The following USP39 variants were observed in gnomAD, a reference collection of about 807,000 sequenced individuals.
The protein encoded by USP39 is ubiquitin carboxyl-terminal hydrolase 39.
In USP39, 38 loss-of-function variants were observed where a neutral mutation model predicts 66.4. That is an observed-to-expected ratio of 0.57 (90% CI 0.44 to 0.75). USP39 has a LOEUF of 0.75. Ranked by LOEUF, USP39 falls within the 30% of genes least tolerant of loss-of-function variation. The pLI is 0.00. For synonymous variants in USP39, 303 were observed against 274.6 expected (o/e 1.10, Z -1.02); for missense variants, 608 against 714.4 (o/e 0.85, Z 1.70).
At chr2:85,644,672 C>G (rs576732825) in intron 10 of USP39, among the ~76,000 whole-genome samples, 2 of 152,058 alleles carry the variant, frequency 1.3e-5, no homozygotes, top group East Asian at 1.9e-4. Flanking sequence ...GTCCTCCTAC[C>G]TTGACCTCTC....
Position 85,647,620 on chromosome 2 carries a change from C to T in USP39, c.1564-310C>T, listed in dbSNP as rs557423943. On this transcript the variant is annotated intron_variant, in intron 11 of 12. Coordinates refer to ENST00000323701, the MANE Select transcript of USP39 (RefSeq NM_006590.4). ...GCTGCAGTGAGCTGTGATTACACCA[C>T]TGTAGTCCAGCCTGGGTGACAGAGT... 2.5e-4 allele frequency among the ~76,000 whole-genome samples: 37 copies of T among 150,108 alleles called. 1 individual carries two copies. Among genetic ancestry groups the T allele is most frequent in the African/African-American group, 8.3e-4 (34 of 40,898 alleles).
intron 6 of USP39, among the ~76,000 whole-genome samples, chr2:85,633,980 G>A (rs1675570443): frequency 6.7e-6 from 1 of 149,470 alleles, no homozygotes; most frequent in African/African-American, 2.4e-5. Context: ...TGGGACTACA[G>A]GCGCCCGCCA....
upstream of USP39, chr2:85,608,701 CAAAAAAAAAAAAAA>C (rs5832651): frequency 6.1e-3 from 338 of 55,464 alleles, 5 homozygotes; most frequent in Middle Eastern, 0.037. Context: ...ACAAAATCCT[CAAAAAAAAAAAAAA>C]AAAAAAAAAA....
chr2:85,606,236 C>T (rs1422429438), intron 1 of USP39, among the ~76,000 whole-genome samples: 1 of 152,220 alleles, frequency 6.6e-6, no homozygotes, highest in Non-Finnish European at 1.5e-5. Context: ...TCTAAAGCAG[C>T]CTGCTGGGAT....
intron 8 of USP39, among the ~76,000 whole-genome samples, chr2:85,638,301 C>G (rs1553457888): frequency 6.6e-6 from 1 of 150,934 alleles, no homozygotes; most frequent in Non-Finnish European, 1.5e-5. Flanking sequence ...GGATTACAGA[C>G]ATGAGCCACC....
intron 12 of USP39, 148 bp downstream of exon 12, chr2:85,648,164 G>T: frequency 1.4e-6 from 1 of 707,870 alleles, no homozygotes; most frequent in South Asian, 1.9e-5. Flanking sequence ...TGAGTTGGGG[G>T]CAGAATGTAT....
chr2:85,611,209 TAAAATAAAAACATTTTAAAAAAAG>T, upstream of USP39: 1 of 1,216,178 alleles, frequency 8.2e-7, no homozygotes, highest in Non-Finnish European at 1.0e-6. Context: ...GTCTCAAAAA[TAAAATAAAAACATTTTAAAAAAAG>T]TAATAATGCT....
chr2:85,619,231 C>A lies in USP39; in HGVS notation c.280C>A (p.Arg94=). The change falls in exon 2 of 13, where the codon CGA becomes AGA. Residue 94 remains arginine (R), a synonymous_variant. Transcript: ENST00000323701. The part of the protein sequence containing the change: ...PEREVRAKNG[R]VDSEDRRSRH... ...GATTTTCCTTTCAGCAAAGAATGGCCGAGTGGATTCTGAGGACCGGAGGAG... is the reference window on the plus strand; with the variant it reads ...GATTTTCCTTTCAGCAAAGAATGGCAGAGTGGATTCTGAGGACCGGAGGAG... The A allele has an allele frequency of 2.5e-6, 4 of 1,613,724 alleles. No homozygotes were observed. The highest frequency in any genetic ancestry group is 3.4e-6 in the Non-Finnish European group (4 of 1,179,950).
intron 1 of USP39, among the ~76,000 whole-genome samples, chr2:85,605,454 C>T (rs904449356): frequency 6.6e-6 from 1 of 152,152 alleles, no homozygotes; most frequent in African/African-American, 2.4e-5. Context: ...CAGAGAAGCC[C>T]TTTACTCAGA....
intron 9 of USP39, among the ~76,000 whole-genome samples, chr2:85,640,167 A>C (rs551405331): frequency 6.6e-6 from 1 of 151,738 alleles, no homozygotes; most frequent in Non-Finnish European, 1.5e-5. Context: ...CCACTGCCCA[A>C]CCACAGTGCC....
upstream of USP39, chr2:85,609,182 C>G (rs1673343941): frequency 2.8e-6 from 4 of 1,412,106 alleles, no homozygotes; most frequent in Admixed American, 2.3e-5. Flanking sequence ...TTTGCCAGCA[C>G]CTGTCATTTC....
intron 1 of USP39, among the ~76,000 whole-genome samples, chr2:85,616,678 CTTTTTTT>C (rs4019533): frequency 1.9e-5 from 2 of 106,932 alleles, no homozygotes; most frequent in East Asian, 2.7e-4. Context: ...TTTCTTTTTT[CTTTTTTT>C]TTTTTTTTTT....
At chr2:85,611,597 C>G (rs1039774463), upstream of USP39, 5 of 1,553,372 alleles carry the variant, frequency 3.2e-6, no homozygotes, top group Non-Finnish European at 3.5e-6. Flanking sequence ...AGTGGTTTTT[C>G]CCTATAGAGA....
intron 2 of USP39, among the ~76,000 whole-genome samples, chr2:85,620,219 G>C (rs1332052298): frequency 6.6e-6 from 1 of 151,578 alleles, no homozygotes; most frequent in East Asian, 2.0e-4. Flanking sequence ...TCTGGCTCAT[G>C]CCTGTAATCC....
chr2:85,617,955 A>AT (rs1453196784), intron 1 of USP39, among the ~76,000 whole-genome samples: 1 of 92,654 alleles, frequency 1.1e-5, no homozygotes, highest in South Asian at 3.7e-4. Flanking sequence ...ACACATGTAC[A>AT]TTCTTTTTTT....
upstream of USP39, chr2:85,610,852 G>C (rs566388977): frequency 6.7e-6 from 1 of 149,260 alleles, no homozygotes; most frequent in Admixed American, 6.7e-5. Flanking sequence ...TCCGCCTCCC[G>C]GGTTCACGCC....
chr2:85,607,010 C>A (rs1421375556), intron 1 of USP39: 1 of 152,058 alleles, frequency 6.6e-6, no homozygotes, highest in Non-Finnish European at 1.5e-5. Context: ...GTCTGGATCT[C>A]CTGATTTCAT....
chr2:85,625,694 A>G lies in USP39; in HGVS notation c.723+3A>G, dbSNP rs1223942936. Reference sequence around the variant, plus strand: ...ATTATGCCAACGCTGTCCTTCAGGTAAGATCAAGACGGGAACATTGAGGAA... The same window carrying G: ...ATTATGCCAACGCTGTCCTTCAGGTGAGATCAAGACGGGAACATTGAGGAA... On this transcript the variant is annotated splice_donor_region_variant and intron_variant, in intron 5 of 12. Transcript: ENST00000323701. 6.2e-6 allele frequency: 10 copies of G among 1,611,836 alleles called. No homozygotes were observed. Among genetic ancestry groups the G allele is most frequent in the Non-Finnish European group, 6.8e-6 (8 of 1,178,452 alleles).
intron 1 of USP39, among the ~76,000 whole-genome samples, chr2:85,616,719 C>T (rs1450206526): frequency 1.0e-4 from 15 of 148,746 alleles, no homozygotes; most frequent in Admixed American, 6.0e-4. Context: ...ATTCTGTCAC[C>T]CAGGATGGAG....
Sources: gnomAD v4.1 joint callset for allele counts (sites outside exome capture counted in the v4.1 genomes callset) on GRCh38, gnomAD v4.1.1 for gene constraint, MANE v1.5 for transcripts, NCBI Gene and HGNC (gene_info 2026-07-23, HGNC 2026-07-21) for gene names.